The following ABTB3 variants were observed in gnomAD, a reference collection of about 807,000 sequenced individuals.
The protein encoded by ABTB3 is ankyrin repeat and BTB domain containing 3.
the ABTB3 span, among the ~76,000 whole-genome samples, chr12:107,463,569 A>G: frequency 2.0e-5 from 3 of 152,198 alleles, no homozygotes; most frequent in Non-Finnish European, 4.4e-5. Context: ...TCCCACAGCC[A>G]GTAAGCAACA....
chr12:107,622,669 T>C, the ABTB3 span, among the ~76,000 whole-genome samples: 2 of 152,254 alleles, frequency 1.3e-5, no homozygotes, highest in East Asian at 3.9e-4. Flanking sequence ...AAACAAGGTT[T>C]CACCATGTTG....
At chr12:107,486,602 T>C in the ABTB3 span, 415 of 152,046 alleles carry the variant, frequency 2.7e-3, 3 homozygotes, top group African/African-American at 9.3e-3. Flanking sequence ...AATCAGACAA[T>C]ATTGGGCATG....
At chr12:107,546,107 G>A in the ABTB3 span, among the ~76,000 whole-genome samples, 1 of 152,148 alleles carries the variant, frequency 6.6e-6, no homozygotes, top group African/African-American at 2.4e-5. Context: ...AACTATGTGT[G>A]TATTTCTGTG....
the ABTB3 span, among the ~76,000 whole-genome samples, chr12:107,491,816 C>CT: frequency 5.8e-5 from 8 of 136,776 alleles, no homozygotes; most frequent in African/African-American, 2.3e-4. Context: ...GAGTGAGACT[C>CT]TGTCTCAAAA....
chr12:107,643,572 C>T, the ABTB3 span, among the ~76,000 whole-genome samples: 2 of 152,156 alleles, frequency 1.3e-5, no homozygotes, highest in African/African-American at 4.8e-5. Context: ...AGGCCCTCCC[C>T]ACCATTTTCT....
At chr12:107,549,670 A>G in the ABTB3 span, among the ~76,000 whole-genome samples, 7 of 152,308 alleles carry the variant, frequency 4.6e-5, no homozygotes, top group Non-Finnish European at 7.3e-5. Flanking sequence ...TTAACTCTCT[A>G]GCTCTGTTCC....
At chr12:107,461,576 A>ACCCCGTTTGTGGGAATTTGTTACGGCAGC in the ABTB3 span, among the ~76,000 whole-genome samples, 38,343 of 151,936 alleles carry the variant, frequency 0.25, 4,968 homozygotes, top group African/African-American at 0.3. Context: ...GTTTTAAGCC[A>ACCCCGTTTGTGGGAATTTGTTACGGCAGC]CCCAGGAAAC....
the ABTB3 span, among the ~76,000 whole-genome samples, chr12:107,560,291 T>C: frequency 6.6e-6 from 1 of 152,198 alleles, no homozygotes; most frequent in African/African-American, 2.4e-5. Context: ...GAAATGGTTA[T>C]GAAGAGAGTA....
the ABTB3 span, among the ~76,000 whole-genome samples, chr12:107,355,166 C>T: frequency 2.6e-5 from 4 of 152,322 alleles, no homozygotes; most frequent in East Asian, 5.8e-4. Flanking sequence ...CTCCCCAGGC[C>T]GCCAGCCTCA....
the ABTB3 span, among the ~76,000 whole-genome samples, chr12:107,455,349 CTG>C: frequency 6.6e-6 from 1 of 152,144 alleles, no homozygotes. Flanking sequence ...TTTCATATCT[CTG>C]TGCTGTCGCC....
At chr12:107,495,670 T>C in the ABTB3 span, among the ~76,000 whole-genome samples, 5 of 152,260 alleles carry the variant, frequency 3.3e-5, no homozygotes, top group East Asian at 7.7e-4. Flanking sequence ...AGGGAAGCCC[T>C]TCTGTATCTA....
At chr12:107,503,640 C>A in the ABTB3 span, among the ~76,000 whole-genome samples, 2 of 151,314 alleles carry the variant, frequency 1.3e-5, no homozygotes, top group Non-Finnish European at 2.9e-5. Flanking sequence ...GCCTTCAGTC[C>A]CAGCTACTCA....
the ABTB3 span, among the ~76,000 whole-genome samples, chr12:107,470,020 C>T: frequency 1.4e-5 from 2 of 138,944 alleles, no homozygotes; most frequent in African/African-American, 5.5e-5. Flanking sequence ...TTCTCTCTCT[C>T]TCTCTCTCTC....
the ABTB3 span, among the ~76,000 whole-genome samples, chr12:107,357,454 A>T: frequency 5.4e-4 from 82 of 151,288 alleles, 1 homozygote; most frequent in Middle Eastern, 3.4e-3. Flanking sequence ...CAAAACTTTT[A>T]AAAAAAATTA....
the ABTB3 span, among the ~76,000 whole-genome samples, chr12:107,320,988 GA>G: frequency 6.6e-6 from 1 of 152,332 alleles, no homozygotes; most frequent in East Asian, 1.9e-4. Flanking sequence ...TTCTGTCCTT[GA>G]AGGGGGTGGG....
At chr12:107,530,029 A>C in the ABTB3 span, among the ~76,000 whole-genome samples, 7 of 152,226 alleles carry the variant, frequency 4.6e-5, no homozygotes, top group East Asian at 7.7e-4. Context: ...TCATGGAAGA[A>C]ATAGCATTTG....
At chr12:107,648,415 A>ACACACACACACACAC in the ABTB3 span, among the ~76,000 whole-genome samples, 2 of 76,580 alleles carry the variant, frequency 2.6e-5, no homozygotes, top group Non-Finnish European at 5.9e-5. Context: ...CACACACACA[A>ACACACACACACACAC]AGACAATAGG....
At chr12:107,540,281 GAGA>G in the ABTB3 span, among the ~76,000 whole-genome samples, 6 of 152,178 alleles carry the variant, frequency 3.9e-5, no homozygotes, top group African/African-American at 1.4e-4. Context: ...GGAAGGGCAA[GAGA>G]AGAAGAGTGT....
the ABTB3 span, among the ~76,000 whole-genome samples, chr12:107,474,717 C>A: frequency 1.0e-3 from 158 of 152,248 alleles, no homozygotes; most frequent in African/African-American, 3.5e-3. Flanking sequence ...ATAGGAAAAG[C>A]CTTAACTTGT....
Sources: allele counts gnomAD v4.1 joint callset (sites outside exome capture counted in the v4.1 genomes callset), GRCh38; gene constraint gnomAD v4.1.1; transcripts MANE v1.5; gene names NCBI Gene and HGNC (gene_info 2026-07-23, HGNC 2026-07-21).